Variants in STAG1 observed in about 807,000 individuals in gnomAD.
STAG1 encodes the protein STAG1 cohesin complex component.
In STAG1, 26 loss-of-function variants were observed where a neutral mutation model predicts 170.9. That is an observed-to-expected ratio of 0.15 (90% CI 0.11 to 0.21). The LOEUF (loss-of-function observed/expected upper bound fraction) is 0.21. Among genes scored for constraint, STAG1 ranks in the 10% least tolerant of loss-of-function variants. The pLI, the probability that STAG1 is intolerant of heterozygous loss-of-function variation, is 1.00. For synonymous variants in STAG1, 514 were observed against 497.7 expected (o/e 1.03, Z -0.44); for missense variants, 964 against 1,509.5 (o/e 0.64, Z 5.99).
At chr3:136,675,322 C>T (rs574913365) in intron 1 of STAG1, among the ~76,000 whole-genome samples, 1 of 152,280 alleles carries the variant, frequency 6.6e-6, no homozygotes, top group Non-Finnish European at 1.5e-5. Flanking sequence ...CTTGGAGCCA[C>T]AACAGCCATA....
At chr3:136,708,613 T>C (rs1201989864) in intron 1 of STAG1, among the ~76,000 whole-genome samples, 1 of 152,166 alleles carries the variant, frequency 6.6e-6, no homozygotes, top group Non-Finnish European at 1.5e-5. Flanking sequence ...AAATATATGT[T>C]ATGTGAATTT....
intron 1 of STAG1, among the ~76,000 whole-genome samples, chr3:136,715,002 TAATA>T (rs1943497921): frequency 9.0e-6 from 1 of 111,128 alleles, no homozygotes; most frequent in Non-Finnish European, 2.0e-5. Flanking sequence ...TTTATATATA[TAATA>T]TATATATAAA....
intron 1 of STAG1, among the ~76,000 whole-genome samples, chr3:136,733,592 T>C (rs1376104531): frequency 6.6e-6 from 1 of 152,216 alleles, no homozygotes; most frequent in Non-Finnish European, 1.5e-5. Context: ...TACAGTGTGA[T>C]TCAGGCACCA....
intron 29 of STAG1, 73 bp downstream of exon 29, chr3:136,349,085 T>G: frequency 8.5e-7 from 1 of 1,179,392 alleles, no homozygotes; most frequent in Non-Finnish European, 1.3e-6. Flanking sequence ...TTATCTTGCT[T>G]CAAAAGATTA....
Position 136,398,920 on chromosome 3 carries a change from T to C in STAG1, c.2197-91A>G, listed in dbSNP as rs890233990. The C allele has an allele frequency of 5.8e-6, 4 of 687,458 alleles. No homozygotes were observed. The African/African-American group carries it at 7.6e-5, about 13-fold the overall frequency. 42.6% of individuals were successfully genotyped at this position (687,458 alleles called of 1,614,324 possible). A position where few individuals can be genotyped will look rare whatever the true frequency, so the allele number is the denominator to read the frequency against. On this transcript the variant is annotated intron_variant, in intron 21 of 33. Coordinates refer to ENST00000383202, the MANE Select transcript of STAG1 (RefSeq NM_005862.3). ...CGTGCTAAGATAATATTTATCACAG[T>C]TGTTATTTTATAGTATAGCTTCAAG...
chr3:136,421,184 A>T (rs755346851), intron 19 of STAG1, 21 bp from the exon 20 acceptor site: 76 of 1,552,486 alleles, frequency 4.9e-5, no homozygotes, highest in Non-Finnish European at 6.6e-5. Flanking sequence ...AGGAAACATC[A>T]CATCATTACA....
At chr3:136,374,602 A>G (rs1202425099) in intron 23 of STAG1, among the ~76,000 whole-genome samples, 2 of 151,762 alleles carry the variant, frequency 1.3e-5, no homozygotes, top group South Asian at 4.2e-4. Context: ...GGGCAACAAG[A>G]GCAAAACTCC....
At chr3:136,365,379 T>C (rs1477318036) in intron 25 of STAG1, among the ~76,000 whole-genome samples, 2 of 152,102 alleles carry the variant, frequency 1.3e-5, no homozygotes, top group South Asian at 2.1e-4. Flanking sequence ...TTAAGAAAAT[T>C]TGTGGAGATT....
intron 4 of STAG1, among the ~76,000 whole-genome samples, chr3:136,578,948 T>G (rs923055143): frequency 6.6e-6 from 1 of 152,220 alleles, no homozygotes; most frequent in African/African-American, 2.4e-5. Context: ...TTCGTGGAAC[T>G]TCCTCTCCCT....
chr3:136,398,721 C>T (rs1225229506), intron 22 of STAG1, 28 bp downstream of exon 22: 3 of 1,447,022 alleles, frequency 2.1e-6, no homozygotes, highest in Non-Finnish European at 2.9e-6. Flanking sequence ...CAGTAATAAC[C>T]CTTCTGCCTA....
chr3:136,556,577 TTTTG>T (rs879474826), intron 5 of STAG1, among the ~76,000 whole-genome samples: 113 of 152,176 alleles, frequency 7.4e-4, no homozygotes, highest in African/African-American at 2.3e-3. Flanking sequence ...TTCGTTTTTT[TTTTG>T]TTTGTTTGTT....
intron 12 of STAG1, among the ~76,000 whole-genome samples, chr3:136,471,102 G>T (rs1314991952): frequency 7.9e-6 from 1 of 126,320 alleles, no homozygotes; most frequent in Non-Finnish European, 1.7e-5. Flanking sequence ...TTGTGCACAT[G>T]TACCCCAGAA....
chr3:136,720,424 C>A (rs1933174053), intron 1 of STAG1, among the ~76,000 whole-genome samples: 1 of 152,140 alleles, frequency 6.6e-6, no homozygotes, highest in African/African-American at 2.4e-5. Flanking sequence ...GAGAATGTGT[C>A]CTGACCCAGA....
chr3:136,455,405 G>T (rs1328546211), intron 13 of STAG1, among the ~76,000 whole-genome samples: 1 of 152,194 alleles, frequency 6.6e-6, no homozygotes, highest in East Asian at 1.9e-4. Flanking sequence ...AACTCAAAGA[G>T]AATTTCCCTA....
intron 6 of STAG1, among the ~76,000 whole-genome samples, chr3:136,525,986 T>C (rs1934999918): frequency 6.6e-6 from 1 of 152,216 alleles, no homozygotes; most frequent in African/African-American, 2.4e-5. Flanking sequence ...TCTGTTCTTT[T>C]ACATTTGCTG....
chr3:136,391,416 C>G (rs1418733084), intron 22 of STAG1, among the ~76,000 whole-genome samples: 28 of 141,954 alleles, frequency 2.0e-4, no homozygotes, highest in African/African-American at 7.1e-4. Context: ...CTCACTCTGT[C>G]GCCAAGCTGG....
chr3:136,459,873 T>C (rs1000572096), intron 13 of STAG1, among the ~76,000 whole-genome samples: 2 of 152,070 alleles, frequency 1.3e-5, no homozygotes, highest in African/African-American at 4.8e-5. Flanking sequence ...AAAGGAAAGT[T>C]TATACCAATA....
intron 21 of STAG1, among the ~76,000 whole-genome samples, chr3:136,405,028 T>C (rs902491483): frequency 1.3e-5 from 2 of 152,036 alleles, no homozygotes; most frequent in Non-Finnish European, 2.9e-5. Flanking sequence ...AACTTTTTAG[T>C]GGACATGTGC....
chr3:136,701,299 A>G (rs1943052924), intron 1 of STAG1, among the ~76,000 whole-genome samples: 1 of 152,112 alleles, frequency 6.6e-6, no homozygotes, highest in Non-Finnish European at 1.5e-5. Flanking sequence ...AAACATATTA[A>G]AATACTCCTA....
Sources: allele counts gnomAD v4.1 joint callset (sites outside exome capture counted in the v4.1 genomes callset), GRCh38; gene constraint gnomAD v4.1.1; transcripts MANE v1.5; gene names NCBI Gene and HGNC (gene_info 2026-07-23, HGNC 2026-07-21).